Variants in RNF216 observed in about 807,000 individuals in gnomAD.
The protein encoded by RNF216 is ring finger protein 216.
In RNF216, 72 loss-of-function variants were observed where a neutral mutation model predicts 110.8. The ratio of observed to expected loss-of-function variants is 0.65; its 90% confidence interval spans 0.54 to 0.79. The LOEUF (loss-of-function observed/expected upper bound fraction) is 0.79, where lower values mean the gene tolerates loss of function less well. Ranked by LOEUF, RNF216 falls within the 30% of genes least tolerant of loss-of-function variation. The pLI is 0.00. For synonymous variants in RNF216, 495 were observed against 407.5 expected, an observed-to-expected ratio of 1.21 and a Z score of -2.59; for missense variants, 1,342 against 1,141.2, an observed-to-expected ratio of 1.18 and a Z score of -2.54.
At chr7:5,681,551 G>C (rs1172734425) in intron 13 of RNF216, among the ~76,000 whole-genome samples, 1 of 152,166 alleles carries the variant, frequency 6.6e-6, no homozygotes, top group African/African-American at 2.4e-5. Context: ...GTAGCACCAA[G>C]GACAGTGTCT....
At position 5,711,792 on chromosome 7, in the gene RNF216, C is replaced by G; in HGVS notation, c.2030G>C (p.Arg677Thr). The change falls in exon 13 of 17, where the codon AGG (arginine) becomes ACG (threonine). Residue 677 changes from arginine to threonine, a missense_variant. Transcript: ENST00000389902. ...FPALLDSDVK[R>T]FSCPNPHCRK... ...GCAGTGAGGATTAGGACAGCTGAAC[C>G]TCTTCACATCACTGTCCAACAGAGC... 5 of 1,613,896 alleles carry G rather than the reference C, an allele frequency of 3.1e-6. No individual in the cohort carries two copies. Among genetic ancestry groups the G allele is most frequent in the Non-Finnish European group, 4.2e-6 (5 of 1,179,928 alleles).
rs66617363 is a variant in RNF216, at chr7:5,660,265, C to CTTTTTTTTTTTTTTTTTTTTTTTTTTTT, written c.2062-7783_2062-7756dup. Among the ~76,000 whole-genome samples the CTTTTTTTTTTTTTTTTTTTTTTTTTTTT allele has an allele frequency of 6.0e-5, 2 of 33,604 alleles. 1 individual carries two copies. Among genetic ancestry groups the CTTTTTTTTTTTTTTTTTTTTTTTTTTTT allele is most frequent in the Non-Finnish European group, 1.2e-4 (2 of 16,340 alleles). 22.0% of individuals were successfully genotyped at this position (33,604 alleles called of 152,430 possible). A position where few individuals can be genotyped will look rare whatever the true frequency, so the allele number is the denominator to read the frequency against. The stretch of plus-strand genomic sequence containing the variant: ...ACAGAGCCCGGCCCTGTTTTAAATT[C>CTTTTTTTTTTTTTTTTTTTTTTTTTTTT]TTTTTTTTTTTTTTTTTTTTTTTTT... On this transcript the variant is annotated intron_variant, in intron 13 of 16. Coordinates refer to ENST00000389902, the MANE Select transcript of RNF216 (RefSeq NM_207111.4).
chr7:5,630,824 G>A (rs1402208682), intron 15 of RNF216, among the ~76,000 whole-genome samples: 1 of 152,186 alleles, frequency 6.6e-6, no homozygotes, highest in Non-Finnish European at 1.5e-5. Flanking sequence ...CCTGAGTCAG[G>A]CACTATGAAC....
At chr7:5,631,600 C>T (rs547618289) in intron 15 of RNF216, among the ~76,000 whole-genome samples, 1 of 152,242 alleles carries the variant, frequency 6.6e-6, no homozygotes, top group South Asian at 2.1e-4. Flanking sequence ...CCATGGGGGT[C>T]CCATGACATT....
chr7:5,761,385 C>T lies in RNF216; in HGVS notation c.-69-247G>A, dbSNP rs555221462. Among the ~76,000 whole-genome samples, 29 of 152,046 alleles carry T rather than the reference C, an allele frequency of 1.9e-4. No homozygotes were observed. In the South Asian group the frequency reaches 5.4e-3, roughly 28 times the overall value. On this transcript the variant is annotated intron_variant, in intron 1 of 16. Coordinates refer to ENST00000389902, the MANE Select transcript of RNF216 (RefSeq NM_207111.4). ...GAAATGACATCTTGATACAAATATG[C>T]TAACAAAGAAATGGGCTAAGGGTAT...
At chr7:5,630,532 C>G (rs1259879013) in intron 15 of RNF216, among the ~76,000 whole-genome samples, 1 of 152,174 alleles carries the variant, frequency 6.6e-6, no homozygotes, top group Middle Eastern at 3.4e-3. Context: ...GTGTGTATCA[C>G]CATGCCCAGC....
At chr7:5,671,532 C>T (rs981913841) in intron 13 of RNF216, among the ~76,000 whole-genome samples, 3 of 152,002 alleles carry the variant, frequency 2.0e-5, no homozygotes, top group Non-Finnish European at 4.4e-5. Flanking sequence ...GAGCCGGGCA[C>T]GGTGGCTCAC....
chr7:5,733,695 G>A (rs545094439), intron 5 of RNF216, among the ~76,000 whole-genome samples: 15 of 142,528 alleles, frequency 1.1e-4, no homozygotes, highest in Admixed American at 4.9e-4. Flanking sequence ...TCAAAGAGAA[G>A]AGAGAAGTAA....
At chr7:5,736,265 G>C (rs1439939877) in intron 5 of RNF216, among the ~76,000 whole-genome samples, 1 of 151,964 alleles carries the variant, frequency 6.6e-6, no homozygotes, top group East Asian at 1.9e-4. Context: ...TTGCAGGTGC[G>C]CGCCGCCACG....
In RNF216 at chr7:5,684,896, T is replaced by G. The variant is rs539814208; in HGVS notation, c.2061+26865A>C. Among the ~76,000 whole-genome samples, 9 of 136,530 alleles carry G rather than the reference T, an allele frequency of 6.6e-5. No homozygotes were observed. The East Asian group carries it at 2.1e-3, about 31-fold the overall frequency. The allele number at this position is 136,530 out of a possible 152,430, so 89.6% of individuals were successfully genotyped here. On this transcript the variant is annotated intron_variant, in intron 13 of 16. Coordinates refer to ENST00000389902, the MANE Select transcript of RNF216 (RefSeq NM_207111.4). ...AGAAGGAAAGGGTGCTTGGGAGTCC[T>G]GCATGGGGGGCTGGGGGTGGGGTGG...
intron 13 of RNF216, among the ~76,000 whole-genome samples, chr7:5,676,751 ACTC>A (rs961643331): frequency 5.3e-5 from 8 of 152,182 alleles, no homozygotes; most frequent in African/African-American, 1.7e-4. Flanking sequence ...GAGAAAGAAA[ACTC>A]CTAAACATAC....
At chr7:5,687,394 C>CA (rs372177142) in intron 13 of RNF216, among the ~76,000 whole-genome samples, 3,376 of 49,270 alleles carry the variant, frequency 0.069, 133 homozygotes, top group South Asian at 0.11. Context: ...AACTCCACCT[C>CA]AAAAAAAAAA....
intron 1 of RNF216, among the ~76,000 whole-genome samples, chr7:5,779,162 G>T (rs1411385955): frequency 6.6e-6 from 1 of 152,152 alleles, no homozygotes; most frequent in Non-Finnish European, 1.5e-5. Flanking sequence ...ACATTAAATA[G>T]TAGCTGGTAG....
At chr7:5,693,328 G>A (rs1476095361) in intron 13 of RNF216, among the ~76,000 whole-genome samples, 2 of 152,148 alleles carry the variant, frequency 1.3e-5, no homozygotes, top group African/African-American at 2.4e-5. Flanking sequence ...GAAAAAGTCT[G>A]CTGACCCCTG....
chr7:5,739,069 G>A (rs1458972447), intron 5 of RNF216, among the ~76,000 whole-genome samples: 4 of 152,152 alleles, frequency 2.6e-5, no homozygotes, highest in Non-Finnish European at 5.9e-5. Context: ...AAGGGGATGG[G>A]GAGTGAGTGT....
At chr7:5,687,394 C>CAAAAAAAAAAAAAAAAAAAAAAAAA (rs372177142) in intron 13 of RNF216, among the ~76,000 whole-genome samples, 1 of 49,886 alleles carries the variant, frequency 2.0e-5, no homozygotes, top group Non-Finnish European at 4.5e-5. Context: ...AACTCCACCT[C>CAAAAAAAAAAAAAAAAAAAAAAAAA]AAAAAAAAAA....
intron 11 of RNF216, among the ~76,000 whole-genome samples, chr7:5,714,057 C>T (rs1304471946): frequency 6.6e-6 from 1 of 152,182 alleles, no homozygotes; most frequent in Non-Finnish European, 1.5e-5. Flanking sequence ...GGCTGGAGTG[C>T]AGTGGTGCGA....
At chr7:5,704,646 T>A (rs774223282) in intron 13 of RNF216, among the ~76,000 whole-genome samples, 3 of 152,192 alleles carry the variant, frequency 2.0e-5, no homozygotes, top group Admixed American at 6.5e-5. Flanking sequence ...ATGGAGCATC[T>A]GTGCCACCTA....
chr7:5,768,732 G>C (rs1796338609), intron 1 of RNF216, among the ~76,000 whole-genome samples: 2 of 150,862 alleles, frequency 1.3e-5, no homozygotes, highest in Non-Finnish European at 2.9e-5. Flanking sequence ...CTCGATCTTG[G>C]CTCACTGCAA....
Sources: allele counts gnomAD v4.1 joint callset (sites outside exome capture counted in the v4.1 genomes callset), GRCh38; gene constraint gnomAD v4.1.1; transcripts MANE v1.5; gene names NCBI Gene and HGNC (gene_info 2026-07-23, HGNC 2026-07-21).